Variants in AHNAK observed in about 807,000 individuals in gnomAD.
AHNAK encodes the protein neuroblast differentiation-associated protein AHNAK.
Under a neutral mutation model 37.8 loss-of-function variants are expected in AHNAK, and 23 were observed. The observed-to-expected ratio is 0.61, with a 90% confidence interval of 0.44 to 0.86. AHNAK has a LOEUF of 0.86. AHNAK is among the 40% of genes least tolerant of loss of function. The pLI, the probability that AHNAK is intolerant of heterozygous loss-of-function variation, is 0.00. For missense variants in AHNAK, 7,411 were observed against 7,319.4 expected (o/e 1.01, Z -0.46); for synonymous variants, 2,481 against 2,636.3 (o/e 0.94, Z 1.80).
chr11:62,450,005 G>A (rs886617690), intron 5 of AHNAK, among the ~76,000 whole-genome samples: 9 of 152,200 alleles, frequency 5.9e-5, no homozygotes, highest in African/African-American at 1.9e-4. Flanking sequence ...AGTGCTTTGG[G>A]AGGCTGAGGT....
chr11:62,441,690 T>TG (rs1248944926), intron 5 of AHNAK, among the ~76,000 whole-genome samples: 1 of 151,822 alleles, frequency 6.6e-6, no homozygotes, highest in Non-Finnish European at 1.5e-5. Flanking sequence ...TCAGTAGAGA[T>TG]GGGGTTTCAC....
chr11:62,440,833 C>A (rs890212287), intron 5 of AHNAK, among the ~76,000 whole-genome samples: 3 of 152,092 alleles, frequency 2.0e-5, no homozygotes. Flanking sequence ...CTGCTAAGTG[C>A]TTACTATGTG....
chr11:62,440,060 A>G (rs1938270187), intron 5 of AHNAK, among the ~76,000 whole-genome samples: 1 of 152,148 alleles, frequency 6.6e-6, no homozygotes, highest in Non-Finnish European at 1.5e-5. Context: ...TGGACTGGAC[A>G]GTTCCTTGCC....
At chr11:62,503,024 T>C (rs1199127580) in intron 4 of AHNAK, among the ~76,000 whole-genome samples, 1 of 152,236 alleles carries the variant, frequency 6.6e-6, no homozygotes, top group African/African-American at 2.4e-5. Flanking sequence ...CAGTTCACGC[T>C]GGCTTACTGA....
At position 62,523,548 on chromosome 11, in the gene AHNAK, A is replaced by G. The variant is rs892363777; in HGVS notation, c.10869T>C (p.Asp3623=). Residue 3623 remains aspartate, a synonymous_variant, in exon 5 of 5, where the codon GAT becomes GAC. Transcript: ENST00000378024. ...PGFKGEGPEV[D]VTLPKADIDI... is the part of the protein sequence containing the mutation. ...CAATGTCAGCTTTAGGGAGGGTAAC[A>G]TCGACTTCAGGGCCTTCTCCTTTGA... 3 of 1,613,872 alleles carry G rather than the reference A, an allele frequency of 1.9e-6. No homozygotes were observed. Among genetic ancestry groups the G allele is most frequent in the Admixed American group, 1.7e-5 (1 of 59,970 alleles).
chr11:62,508,603 G>C (rs974512523), intron 4 of AHNAK, among the ~76,000 whole-genome samples: 4 of 152,260 alleles, frequency 2.6e-5, no homozygotes, highest in Admixed American at 1.3e-4. Context: ...GGCATTTAAA[G>C]GGAAATGAAA....
chr11:62,480,422 G>A (rs943444774), intron 5 of AHNAK, among the ~76,000 whole-genome samples: 1 of 152,032 alleles, frequency 6.6e-6, no homozygotes, highest in Non-Finnish European at 1.5e-5. Context: ...AGCACTTTGG[G>A]AGGCCGAGGT....
chr11:62,444,790 C>A lies in AHNAK; in HGVS notation c.443-10899G>T, dbSNP rs576509791. On this transcript the variant is annotated intron_variant, in intron 5 of 5. Transcript: ENST00000257247. The stretch of plus-strand genomic sequence containing the variant: ...ACAAGGGCAGTGACCCTGTGCCAGA[C>A]ACTTTCCTAAACAGGCATAAGCTCA... Among the ~76,000 whole-genome samples, 4 of 152,372 alleles carry A rather than the reference C, an allele frequency of 2.6e-5. No individual in the cohort carries two copies. The South Asian group carries it at 8.3e-4, about 32-fold the overall frequency.
chr11:62,518,727 T>A lies in AHNAK; in HGVS notation c.15690A>T (p.Lys5230Asn). The change falls in exon 5 of 5, where the codon AAA (lysine) becomes AAT (asparagine). Residue 5230 changes from lysine to asparagine, a missense_variant. Physicochemically the swap from Lys to Asn is moderately conservative, Grantham distance 94. Coordinates refer to ENST00000378024, the MANE Select transcript of AHNAK (RefSeq NM_001620.3). ...GCATGGAAAACTTGGGGAACTTAAT[T>A]TTTGCTTCTGGACCTTGCAGATCTA... ...PDVDLQGPEA[K>N]IKFPKFSMPK... The A allele has an allele frequency of 1.2e-6, 2 of 1,613,902 alleles. No individual in the cohort carries two copies. The highest frequency in any genetic ancestry group is 1.7e-6 in the Non-Finnish European group (2 of 1,179,938).
intron 5 of AHNAK, among the ~76,000 whole-genome samples, chr11:62,462,180 T>A (rs2134828406): frequency 6.6e-6 from 1 of 152,222 alleles, no homozygotes; most frequent in East Asian, 1.9e-4. Context: ...CCTTCCCAAC[T>A]TTCCCTCTCT....
Position 62,523,250 on chromosome 11 carries a change from C to T in AHNAK, c.11167G>A (p.Gly3723Ser). 4 of 1,613,862 alleles carry T rather than the reference C, an allele frequency of 2.5e-6. No individual in the cohort carries two copies. Among genetic ancestry groups the T allele is most frequent in the Admixed American group, 3.3e-5 (2 of 60,008 alleles). ...DIDTPDINIE[G>S]SEGKFKGPKF... is the part of the protein sequence containing the mutation. ...GGTCCCTTGAATTTACCCTCTGAGCCTTCGATGTTAATGTCAGGAGTGTCA... is the reference window on the plus strand; with the variant it reads ...GGTCCCTTGAATTTACCCTCTGAGCTTTCGATGTTAATGTCAGGAGTGTCA... Residue 3723 changes from glycine to serine, a missense_variant, in exon 5 of 5, where the codon GGC becomes AGC. Physicochemically the swap from Gly to Ser is moderately conservative, Grantham distance 56. Coordinates refer to ENST00000378024, the MANE Select transcript of AHNAK (RefSeq NM_001620.3).
intron 5 of AHNAK, among the ~76,000 whole-genome samples, chr11:62,474,795 A>G (rs995712525): frequency 6.6e-6 from 1 of 152,200 alleles, no homozygotes; most frequent in Non-Finnish European, 1.5e-5. Context: ...TGAGCAAACA[A>G]TGTCCCAACA....
Position 62,519,110 on chromosome 11 carries a change from T to TA in AHNAK, c.15306dup (p.Lys5103Ter). 1 of 1,613,734 alleles carries TA rather than the reference T, an allele frequency of 6.2e-7. No homozygotes were observed. The highest frequency in any genetic ancestry group is 8.5e-7 in the Non-Finnish European group (1 of 1,179,900). On this transcript the variant is annotated frameshift_variant, in exon 5 of 5. Coordinates refer to ENST00000378024, the MANE Select transcript of AHNAK (RefSeq NM_001620.3). LOFTEE classifies it low-confidence loss of function (END_TRUNC). The stretch of plus-strand genomic sequence containing the variant: ...GGGCTAGGGAGAGGGGCCTCAGCTT[T>TA]AAATTTAGGTGATTTAATGTCAAAC...
Position 62,535,144 on chromosome 11 carries a change from C to T in AHNAK, c.201G>A (p.Ser67=), listed in dbSNP as rs373540431. ...GATIYFDNLQ[S]GEVTQLLNTM... ...TGTTCAGCAGCTGGGTCACCTCACC[C>T]GACTGCAGGTTGTCAAAGTAGATGG... The change falls in exon 4 of 5, where the codon TCG becomes TCA. Residue 67 remains serine, a synonymous_variant. Coordinates refer to ENST00000378024, the MANE Select transcript of AHNAK (RefSeq NM_001620.3). 9 of 1,612,944 alleles carry T rather than the reference C, an allele frequency of 5.6e-6. No individual in the cohort carries two copies. Among genetic ancestry groups the T allele is most frequent in the South Asian group, 1.1e-5 (1 of 91,068 alleles).
At chr11:62,468,081 C>T (rs545931309) in intron 5 of AHNAK, among the ~76,000 whole-genome samples, 1 of 152,190 alleles carries the variant, frequency 6.6e-6, no homozygotes, top group East Asian at 1.9e-4. Context: ...GGCACAGTGG[C>T]TCATGCCTGT....
chr11:62,516,686 C>G lies in AHNAK; in HGVS notation c.*58G>C. The G allele has an allele frequency of 6.6e-7, 1 of 1,523,694 alleles. No individual in the cohort carries two copies. The highest frequency in any genetic ancestry group is 8.8e-7 in the Non-Finnish European group (1 of 1,140,912). 94.4% of individuals were successfully genotyped at this position (1,523,694 alleles called of 1,614,324 possible). A position where few individuals can be genotyped will look rare whatever the true frequency, so the allele number is the denominator to read the frequency against. ...CCTTTGGAGTTTATATAGGAACACA[C>G]CACCCAAGGCTGATGTTTTGTTATA... On this transcript the variant is annotated 3_prime_UTR_variant, in exon 5 of 5. Transcript: ENST00000378024.
chr11:62,469,839 AG>A (rs762500168), intron 5 of AHNAK, among the ~76,000 whole-genome samples: 65 of 152,332 alleles, frequency 4.3e-4, no homozygotes, highest in Non-Finnish European at 6.0e-4. Flanking sequence ...TGTCAGAAAC[AG>A]AGAAAGTAAC....
chr11:62,546,268 C>T (rs1381837517), intron 1 of AHNAK, among the ~76,000 whole-genome samples: 2 of 152,168 alleles, frequency 1.3e-5, no homozygotes, highest in African/African-American at 4.8e-5. Context: ...ATTTCCCCTC[C>T]AGTAAACATG....
rs367568428 is a variant in AHNAK, at chr11:62,492,877, C to CA, written c.343-1047dup. ...GGGGCGACAGAGTGAGACCCTGTCT[C>CA]AAAAAAAAAGGGAGATTGCTCTTCC... On this transcript the variant is annotated intron_variant, in intron 4 of 5. Transcript: ENST00000257247. Among the ~76,000 whole-genome samples, 117 of 116,484 alleles carry CA rather than the reference C, an allele frequency of 1.0e-3. 12 individuals are homozygous for CA. Among genetic ancestry groups the CA allele is most frequent in the Non-Finnish European group, 1.4e-3 (88 of 63,006 alleles). The allele number at this position is 116,484 out of a possible 152,430, so 76.4% of individuals were successfully genotyped here.
Sources: gnomAD v4.1 joint callset for allele counts (sites outside exome capture counted in the v4.1 genomes callset) on GRCh38, gnomAD v4.1.1 for gene constraint, MANE v1.5 for transcripts, NCBI Gene and HGNC (gene_info 2026-07-23, HGNC 2026-07-21) for gene names.